The following CACNG2 variants were observed in gnomAD, a reference collection of about 807,000 sequenced individuals.
The protein encoded by CACNG2 is voltage-dependent calcium channel gamma-2 subunit.
CACNG2 carries 3 observed loss-of-function variants against 25.9 expected under a neutral mutation model. The observed-to-expected ratio is 0.12, with a 90% CI of 0.05 to 0.30. The LOEUF (loss-of-function observed/expected upper bound fraction) is 0.30. CACNG2 is among the 10% of genes least tolerant of loss of function. CACNG2 has a pLI of 1.00. For missense variants in CACNG2, 341 were observed against 432.5 expected (o/e 0.79, Z 1.88); for synonymous variants, 167 against 173.3 (o/e 0.96, Z 0.29).
chr22:36,697,222 C>A (rs1257217259), intron 1 of CACNG2, among the ~76,000 whole-genome samples: 1 of 152,102 alleles, frequency 6.6e-6, no homozygotes, highest in Admixed American at 6.5e-5. Context: ...TCGTCGTCAC[C>A]CTGAAAGGTG....
intron 1 of CACNG2, among the ~76,000 whole-genome samples, chr22:36,681,797 G>T (rs2146004557): frequency 6.6e-6 from 1 of 152,288 alleles, no homozygotes; most frequent in African/African-American, 2.4e-5. Context: ...GCCATACAGG[G>T]TGGTTGTGGG....
intron 1 of CACNG2, among the ~76,000 whole-genome samples, chr22:36,613,750 C>T (rs531350571): frequency 3.7e-4 from 56 of 152,144 alleles, no homozygotes; most frequent in African/African-American, 1.2e-3. Context: ...TGGCTGTCCC[C>T]CCGTGAATAT....
intron 1 of CACNG2, among the ~76,000 whole-genome samples, chr22:36,687,518 G>A (rs1937216409): frequency 6.6e-6 from 1 of 152,200 alleles, no homozygotes; most frequent in Non-Finnish European, 1.5e-5. Flanking sequence ...CAGGTGTGCT[G>A]TTCTGAGCTT....
intron 1 of CACNG2, among the ~76,000 whole-genome samples, chr22:36,612,355 C>G (rs1469076092): frequency 1.3e-5 from 2 of 152,114 alleles, no homozygotes; most frequent in Non-Finnish European, 2.9e-5. Flanking sequence ...TCAGCCATTA[C>G]TATATTAGTA....
chr22:36,593,571 A>C (rs1415192351), intron 1 of CACNG2, among the ~76,000 whole-genome samples: 1 of 152,124 alleles, frequency 6.6e-6, no homozygotes, highest in Non-Finnish European at 1.5e-5. Context: ...CCATTAGAGC[A>C]AGGACAGAAT....
At chr22:36,625,168 G>A (rs2267358) in intron 1 of CACNG2, among the ~76,000 whole-genome samples, 79,878 of 151,818 alleles carry the variant, frequency 0.53, 23,229 homozygotes, top group Non-Finnish European at 0.64. Flanking sequence ...CCCTGGCAGG[G>A]GAATGCAGGA....
chr22:36,687,615 T>C (rs1299514616), intron 1 of CACNG2, among the ~76,000 whole-genome samples: 1 of 152,226 alleles, frequency 6.6e-6, no homozygotes, highest in African/African-American at 2.4e-5. Flanking sequence ...CCAATTCCTG[T>C]AACCCGTGAG....
chr22:36,694,366 C>T (rs2146017633), intron 1 of CACNG2, among the ~76,000 whole-genome samples: 1 of 152,254 alleles, frequency 6.6e-6, no homozygotes, highest in South Asian at 2.1e-4. Context: ...AGAATAAAGC[C>T]TTTTATGTAC....
intron 1 of CACNG2, among the ~76,000 whole-genome samples, chr22:36,633,730 A>G (rs73884117): frequency 0.062 from 9,502 of 152,324 alleles, 994 homozygotes; most frequent in African/African-American, 0.22. Flanking sequence ...TGTCAAGTTT[A>G]TAAGACGTGG....
intron 1 of CACNG2, among the ~76,000 whole-genome samples, chr22:36,670,564 A>G (rs1936934045): frequency 6.6e-6 from 1 of 152,172 alleles, no homozygotes; most frequent in African/African-American, 2.4e-5. Flanking sequence ...GCAGTGTTCT[A>G]GAAGCCAGGA....
At chr22:36,655,736 C>CTTTTCCTT (rs1569042522) in intron 1 of CACNG2, among the ~76,000 whole-genome samples, 1 of 141,786 alleles carries the variant, frequency 7.1e-6, no homozygotes, top group African/African-American at 2.8e-5. Flanking sequence ...TTCTTTCTTT[C>CTTTTCCTT]TCTTCCTTTC....
chr22:36,579,144 C>G (rs1165698877), intron 2 of CACNG2, among the ~76,000 whole-genome samples: 3 of 152,136 alleles, frequency 2.0e-5, no homozygotes, highest in Non-Finnish European at 4.4e-5. Context: ...ATAGCTCACA[C>G]CTGTAATCCC....
intron 2 of CACNG2, among the ~76,000 whole-genome samples, chr22:36,571,883 A>G (rs1004768001): frequency 9.4e-5 from 9 of 95,442 alleles, no homozygotes; most frequent in Non-Finnish European, 1.8e-4. Flanking sequence ...TCTCAAAAAC[A>G]AAAAAAAAAA....
Position 36,603,237 on chromosome 22 carries a change from G to GT in CACNG2, c.212-15690dup, listed in dbSNP as rs1935779829. Among the ~76,000 whole-genome samples the GT allele has an allele frequency of 3.3e-5, 5 of 152,366 alleles. No homozygotes were observed. The South Asian group carries it at 1.0e-3, about 32-fold the overall frequency. On this transcript the variant is annotated intron_variant, in intron 1 of 3. Transcript: ENST00000300105. Reference sequence around the variant, plus strand: ...CCCTTAAGCCAAAGCCTAATCCAGAGTAAGGCCCTAACTCTCTTCAATTGT... The same window carrying GT: ...CCCTTAAGCCAAAGCCTAATCCAGAGTTAAGGCCCTAACTCTCTTCAATTGT...
chr22:36,657,719 C>T lies in CACNG2; in HGVS notation c.211+44647G>A, dbSNP rs375781007. The stretch of plus-strand genomic sequence containing the variant: ...TTTTCTGGATACAATAAGATTGGCC[C>T]GCAAATGGACAGTGGCGTAATGAGC... On this transcript the variant is annotated intron_variant, in intron 1 of 3. Coordinates refer to ENST00000300105, the MANE Select transcript of CACNG2 (RefSeq NM_006078.5). Among the ~76,000 whole-genome samples, 19 of 151,980 alleles carry T rather than the reference C, an allele frequency of 1.3e-4. 1 individual carries two copies. The highest frequency in any genetic ancestry group is 6.2e-4 in the South Asian group (3 of 4,810).
At chr22:36,665,980 G>A (rs948602080) in intron 1 of CACNG2, among the ~76,000 whole-genome samples, 13 of 152,282 alleles carry the variant, frequency 8.5e-5, no homozygotes, top group African/African-American at 2.6e-4. Context: ...GTCTGTCGAC[G>A]GATGAATGGA....
intron 1 of CACNG2, among the ~76,000 whole-genome samples, chr22:36,662,647 C>T (rs572764232): frequency 1.3e-5 from 2 of 152,186 alleles, no homozygotes; most frequent in Non-Finnish European, 2.9e-5. Flanking sequence ...TAAGCACTAT[C>T]GGTAGGTTCT....
intron 1 of CACNG2, 48 bp downstream of exon 1, chr22:36,702,300 TGGGGAGGGGGGAGTGAAA>T: frequency 1.4e-6 from 1 of 712,986 alleles, no homozygotes; most frequent in South Asian, 1.6e-5. Context: ...TGGAGGAGGG[TGGGGAGGGGGGAGTGAAA>T]GGGGAGGGGT....
chr22:36,603,449 A>G (rs12165853), intron 1 of CACNG2, among the ~76,000 whole-genome samples: 31,127 of 152,248 alleles, frequency 0.2, 3,869 homozygotes, highest in South Asian at 0.29. Flanking sequence ...GAAGGTGGCC[A>G]CACTAAACAA....
Sources: allele counts gnomAD v4.1 joint callset (sites outside exome capture counted in the v4.1 genomes callset), GRCh38; gene constraint gnomAD v4.1.1; transcripts MANE v1.5; gene names NCBI Gene and HGNC (gene_info 2026-07-23, HGNC 2026-07-21).